Variants in LRRK2 observed in about 807,000 individuals in gnomAD.
The protein encoded by LRRK2 is leucine rich repeat kinase 2, also known as leucine-rich repeat serine/threonine-protein kinase 2.
LRRK2 carries 203 observed loss-of-function variants against 302.6 expected under a neutral mutation model. The observed-to-expected ratio is 0.67, with a 90% CI of 0.60 to 0.75. The LOEUF (loss-of-function observed/expected upper bound fraction) is 0.75. Among genes scored for constraint, LRRK2 ranks in the 30% least tolerant of loss-of-function variants. The probability of loss-of-function intolerance (pLI) is 0.00; values close to 1 mark genes in which losing one functional copy is unlikely to be tolerated. For synonymous variants in LRRK2, 1,066 were observed against 1,031.9 expected (o/e 1.03, Z -0.63); for missense variants, 2,830 against 2,951.0 (o/e 0.96, Z 0.95).
At chr12:40,297,067 CTT>C (rs76607433) in intron 23 of LRRK2, among the ~76,000 whole-genome samples, 14,382 of 152,210 alleles carry the variant, frequency 0.094, 825 homozygotes, top group Admixed American at 0.15. Flanking sequence ...ACTGTGAACT[CTT>C]TGAGGACAGG....
At chr12:40,289,131 T>C (rs1565716283) in intron 20 of LRRK2, among the ~76,000 whole-genome samples, 1 of 151,910 alleles carries the variant, frequency 6.6e-6, no homozygotes, top group Non-Finnish European at 1.5e-5. Flanking sequence ...TCTGTATGGA[T>C]ATCCAGTTGT....
chr12:40,288,131 T>C (rs1179494055), intron 20 of LRRK2, among the ~76,000 whole-genome samples: 5 of 151,734 alleles, frequency 3.3e-5, no homozygotes, highest in African/African-American at 1.2e-4. Flanking sequence ...CTTATTAATA[T>C]AGTATGATTG....
chr12:40,327,875 T>G (rs1565754993), intron 38 of LRRK2, among the ~76,000 whole-genome samples: 1 of 152,142 alleles, frequency 6.6e-6, no homozygotes, highest in Non-Finnish European at 1.5e-5. Context: ...CAATTTTAAC[T>G]CCAGAAGGGC....
At chr12:40,346,621 A>G (rs1946196915) in intron 41 of LRRK2, 132 bp from the exon 42 acceptor site, 1 of 827,850 alleles carries the variant, frequency 1.2e-6, no homozygotes, top group South Asian at 1.6e-5. Context: ...ACCTTGTTAT[A>G]AAAATAACAC....
intron 19 of LRRK2, among the ~76,000 whole-genome samples, chr12:40,285,439 A>G (rs570985754): frequency 1.3e-5 from 2 of 152,150 alleles, no homozygotes; most frequent in African/African-American, 4.8e-5. Flanking sequence ...TGTGTAATAC[A>G]TTATGTTGAT....
chr12:40,225,413 T>C (rs963051656), intron 1 of LRRK2, 131 bp downstream of exon 1: 31 of 1,293,368 alleles, frequency 2.4e-5, no homozygotes, highest in Non-Finnish European at 3.3e-5. Flanking sequence ...AACTCCCATA[T>C]CCTTTCCTTA....
In LRRK2 at chr12:40,274,568, T is replaced by C. The variant is rs1943369791; in HGVS notation, c.1657-15T>C. 3.1e-6 allele frequency: 5 copies of C among 1,613,188 alleles called. No individual in the cohort carries two copies. The highest frequency in any genetic ancestry group is 4.2e-6 in the Non-Finnish European group (5 of 1,179,624). On this transcript the variant is annotated splice_polypyrimidine_tract_variant and intron_variant, in intron 14 of 50. Coordinates refer to ENST00000298910, the MANE Select transcript of LRRK2 (RefSeq NM_198578.4). ...AAGATCTCATTTTTAACAGCGAGTA[T>C]TCTTTTGATTTTAGTTCATTGGAAA...
At position 40,284,066 on chromosome 12, in the gene LRRK2, A is replaced by C; in HGVS notation, c.2433A>C (p.Gly811=). 1 of 1,613,574 alleles carries C rather than the reference A, an allele frequency of 6.2e-7. No homozygotes were observed. The highest frequency in any genetic ancestry group is 1.1e-5 in the South Asian group (1 of 91,036). ...NSICLGGFCI[G]KVEPSWLGPL... ...TTTGCCTTGGAGGATTTTGTATAGG[A>C]AAAGTTGAACCTTCTTGGCTTGGTC... The change falls in exon 19 of 51, where the codon GGA becomes GGC. Residue 811 remains glycine (G), a synonymous_variant. Transcript: ENST00000298910.
At chr12:40,246,026 C>T (rs1016696593) in intron 7 of LRRK2, among the ~76,000 whole-genome samples, 2 of 151,802 alleles carry the variant, frequency 1.3e-5, no homozygotes, top group African/African-American at 4.8e-5. Flanking sequence ...TTGTCTTGCT[C>T]TTTTTCCTGA....
At chr12:40,273,981 G>A (rs1222623267) in intron 14 of LRRK2, among the ~76,000 whole-genome samples, 1 of 152,018 alleles carries the variant, frequency 6.6e-6, no homozygotes, top group Non-Finnish European at 1.5e-5. Flanking sequence ...CTTTTAAGGT[G>A]GACACATTTA....
chr12:40,241,703 G>T (rs1941728532), intron 6 of LRRK2, among the ~76,000 whole-genome samples: 1 of 152,114 alleles, frequency 6.6e-6, no homozygotes, highest in African/African-American at 2.4e-5. Flanking sequence ...TATGTGTGTT[G>T]TATACTATAT....
In LRRK2 at chr12:40,249,842, C is replaced by A; in HGVS notation, c.855C>A (p.Ile285=). The stretch of plus-strand genomic sequence containing the variant: ...AACTTTTAGGTAATTTTTTCAATAT[C>A]CTGGTATTAAACGAAGTCCATGAGT... ...HRLTLGNFFN[I]LVLNEVHEFV... Residue 285 remains isoleucine, a synonymous_variant, in exon 8 of 51, where the codon ATC becomes ATA. Coordinates refer to ENST00000298910, the MANE Select transcript of LRRK2 (RefSeq NM_198578.4). 1 of 1,613,624 alleles carries A rather than the reference C, an allele frequency of 6.2e-7. No homozygotes were observed. Among genetic ancestry groups the A allele is most frequent in the Non-Finnish European group, 8.5e-7 (1 of 1,179,710 alleles).
chr12:40,365,791 A>G (rs912890452), intron 49 of LRRK2: 3 of 151,990 alleles, frequency 2.0e-5, no homozygotes, highest in African/African-American at 7.2e-5. Flanking sequence ...GTATATGTGA[A>G]AGAGGAACAT....
In LRRK2 at chr12:40,316,593, T is replaced by C. The variant is rs966492205; in HGVS notation, c.4827+1293T>C. Among the ~76,000 whole-genome samples the C allele has an allele frequency of 2.6e-5, 4 of 152,074 alleles. No homozygotes were observed. The South Asian group carries it at 8.3e-4, about 31-fold the overall frequency. Reference sequence around the variant, plus strand: ...GTGAAATTTCTTAATGCATTAAGCCTTTGTTTACTTACTTTTTAAATAAGG... The same window carrying C: ...GTGAAATTTCTTAATGCATTAAGCCCTTGTTTACTTACTTTTTAAATAAGG... On this transcript the variant is annotated intron_variant, in intron 33 of 50. Transcript: ENST00000298910.
Position 40,298,507 on chromosome 12 carries a change from C to T in LRRK2, c.3347+14C>T, listed in dbSNP as rs1321884120. 1 of 1,613,416 alleles carries T rather than the reference C, an allele frequency of 6.2e-7. No homozygotes were observed. Among genetic ancestry groups the T allele is most frequent in the Admixed American group, 1.7e-5 (1 of 59,964 alleles). ...CATTTTAGAAGGGTAAGAAAGAGCT[C>T]ATTAAAAATAAAAGGGTTGCCTAAA... On this transcript the variant is annotated intron_variant, in intron 24 of 50. Transcript: ENST00000298910.
At chr12:40,291,179 A>G (rs1355913206) in intron 20 of LRRK2, among the ~76,000 whole-genome samples, 2 of 151,930 alleles carry the variant, frequency 1.3e-5, no homozygotes, top group Non-Finnish European at 2.9e-5. Flanking sequence ...TATTGCAAGG[A>G]CAAAAAACCA....
At chr12:40,274,082 C>T (rs573869454) in intron 14 of LRRK2, among the ~76,000 whole-genome samples, 1 of 152,186 alleles carries the variant, frequency 6.6e-6, no homozygotes, top group Non-Finnish European at 1.5e-5. Flanking sequence ...TTACATGAAG[C>T]TGTTGAGGGG....
intron 39 of LRRK2, among the ~76,000 whole-genome samples, chr12:40,329,274 T>C (rs1945639883): frequency 6.6e-6 from 1 of 152,218 alleles, no homozygotes; most frequent in African/African-American, 2.4e-5. Context: ...GTAACAATTA[T>C]AACTTGGAAT....
intron 23 of LRRK2, among the ~76,000 whole-genome samples, chr12:40,297,300 G>A (rs774546128): frequency 4.6e-5 from 7 of 152,164 alleles, no homozygotes; most frequent in South Asian, 4.1e-4. Context: ...GAGACATGCC[G>A]GCATTCAATG....
Sources: allele counts gnomAD v4.1 joint callset (sites outside exome capture counted in the v4.1 genomes callset), GRCh38; gene constraint gnomAD v4.1.1; transcripts MANE v1.5; gene names NCBI Gene and HGNC (gene_info 2026-07-23, HGNC 2026-07-21).